Variants in ZNF839 observed in about 807,000 individuals in gnomAD.
ZNF839 encodes the protein renal carcinoma antigen NY-REN-50.
In ZNF839, 38 loss-of-function variants were observed where a neutral mutation model predicts 56.4. The ratio of observed to expected loss-of-function variants is 0.67; its 90% CI spans 0.52 to 0.88. The LOEUF (loss-of-function observed/expected upper bound fraction) is 0.88, where lower values mean the gene tolerates loss of function less well. ZNF839 is among the 40% of genes least tolerant of loss of function. The pLI, the probability that ZNF839 is intolerant of heterozygous loss-of-function variation, is 0.00. For missense variants in ZNF839, 1,091 were observed against 1,177.6 expected, an observed-to-expected ratio of 0.93 and a Z score of 1.08; for synonymous variants, 486 against 493.5, an observed-to-expected ratio of 0.98 and a Z score of 0.20.
chr14:102,328,676 C>CT (rs2073604200), intron 2 of ZNF839, among the ~76,000 whole-genome samples: 1 of 151,958 alleles, frequency 6.6e-6, no homozygotes, highest in East Asian at 1.9e-4. Flanking sequence ...CAACCTTCGA[C>CT]TTTCTGTCTT....
At chr14:102,320,235 C>G (rs1031968645) in intron 1 of ZNF839, among the ~76,000 whole-genome samples, 182 bp downstream of exon 1, 1 of 152,184 alleles carries the variant, frequency 6.6e-6, no homozygotes, top group Non-Finnish European at 1.5e-5. Context: ...CATTTTCACC[C>G]CAGGAGCCTC....
At position 102,319,909 on chromosome 14, in the gene ZNF839, G is replaced by A. The variant is rs1235193190; in HGVS notation, c.144G>A (p.Val48=). Residue 48 remains valine, a synonymous_variant, in exon 1 of 8, where the codon GTG becomes GTA. Coordinates refer to ENST00000442396, the MANE Select transcript of ZNF839 (RefSeq NM_018335.6). This position sits in a 1 kb window ranked among gnomAD's most constrained non-coding sequence, Gnocchi z 4.5. ...PEQLRQVLEQ[V]TKAQPPPPPP... ...AGCTGCGGCAGGTCCTGGAGCAGGT[G>A]ACGAAGGCGCAGCCGCCGCCGCCGC... 7 of 1,218,370 alleles carry A rather than the reference G, an allele frequency of 5.7e-6. No homozygotes were observed. Among genetic ancestry groups the A allele is most frequent in the Non-Finnish European group, 7.2e-6 (7 of 973,644 alleles). 75.5% of individuals were successfully genotyped at this position (1,218,370 alleles called of 1,614,324 possible).
At chr14:102,322,902 C>T (rs1025937729) in intron 1 of ZNF839, among the ~76,000 whole-genome samples, 4 of 152,222 alleles carry the variant, frequency 2.6e-5, no homozygotes, top group African/African-American at 4.8e-5. Context: ...CAGTCAATCT[C>T]GTTGTCATTT....
intron 5 of ZNF839, 116 bp from the exon 6 acceptor site, chr14:102,338,700 G>A: frequency 2.8e-6 from 4 of 1,434,064 alleles, no homozygotes; most frequent in Admixed American, 2.1e-5. Context: ...CTCACAGTAG[G>A]TGAGGAACTT....
chr14:102,331,080 C>T (rs769449977), intron 2 of ZNF839, among the ~76,000 whole-genome samples: 24 of 152,160 alleles, frequency 1.6e-4, no homozygotes, highest in African/African-American at 5.1e-4. Context: ...TACACAATTT[C>T]GCGAATATTT....
chr14:102,334,005 C>G (rs1160761468), intron 3 of ZNF839, among the ~76,000 whole-genome samples: 1 of 152,250 alleles, frequency 6.6e-6, no homozygotes, highest in African/African-American at 2.4e-5. Flanking sequence ...CCTCTCCTTA[C>G]CTGAGTCCTC....
chr14:102,323,997 T>A (rs2073271774), intron 1 of ZNF839, among the ~76,000 whole-genome samples: 1 of 152,200 alleles, frequency 6.6e-6, no homozygotes, highest in Non-Finnish European at 1.5e-5. Context: ...TTAAAAACAT[T>A]TCAGAACTGA....
In ZNF839 at chr14:102,339,149, A is replaced by G. The variant is rs1233235271; in HGVS notation, c.1853A>G (p.Asn618Ser). The G allele has an allele frequency of 1.9e-6, 3 of 1,613,414 alleles. No homozygotes were observed. Among genetic ancestry groups the G allele is most frequent in the South Asian group, 1.1e-5 (1 of 90,984 alleles). ...AGGCCCAGAAGAGAAGCCCTGTCCA[A>G]CGATACCACTGAATCTCTTGCTGCC... ...VKRPRREALS[N>S]DTTESLAANS... is the part of the protein sequence containing the mutation. The change falls in exon 7 of 8, where the codon AAC becomes AGC. Residue 618 changes from asparagine (N) to serine (S), a missense_variant. Transcript: ENST00000442396.
At position 102,323,016 on chromosome 14, in the gene ZNF839, A is replaced by G. The variant is rs922674256; in HGVS notation, c.288+2963A>G. Reference sequence around the variant, plus strand: ...GCTGACCTCTGCTATTTGTACTAGTATAACAGACAGACGAGAGACACACTC... The same window carrying G: ...GCTGACCTCTGCTATTTGTACTAGTGTAACAGACAGACGAGAGACACACTC... On this transcript the variant is annotated intron_variant, in intron 1 of 7. Coordinates refer to ENST00000442396, the MANE Select transcript of ZNF839 (RefSeq NM_018335.6). Among the ~76,000 whole-genome samples, 5 of 149,628 alleles carry G rather than the reference A, an allele frequency of 3.3e-5. No individual in the cohort carries two copies. The South Asian group carries it at 8.5e-4, about 25-fold the overall frequency.
chr14:102,341,633 C>T lies in ZNF839; in HGVS notation c.2238C>T (p.Phe746=). 3.1e-6 allele frequency: 5 copies of T among 1,614,018 alleles called. No homozygotes were observed. The highest frequency in any genetic ancestry group is 1.3e-5 in the African/African-American group (1 of 75,072). The change falls in exon 8 of 8, where the codon TTC becomes TTT. Residue 746 remains phenylalanine, a synonymous_variant. Transcript: ENST00000442396. ...DTWDSLRSPG[F]CSPLSSGGGA... ...GGGACAGCCTGAGGAGCCCGGGTTTCTGCAGCCCTTTGTCATCTGGTGGTG... is the reference window on the plus strand; with the variant it reads ...GGGACAGCCTGAGGAGCCCGGGTTTTTGCAGCCCTTTGTCATCTGGTGGTG...
chr14:102,324,559 G>A lies in ZNF839; in HGVS notation c.289-1426G>A, dbSNP rs148623628. On this transcript the variant is annotated intron_variant, in intron 1 of 7. Coordinates refer to ENST00000442396, the MANE Select transcript of ZNF839 (RefSeq NM_018335.6). The stretch of plus-strand genomic sequence containing the variant: ...CTTCATCTTAAAAAAAAATTAGCTG[G>A]TCATGGTGGCACACACCTGTGATCC... Among the ~76,000 whole-genome samples, 873 of 152,146 alleles carry A rather than the reference G, an allele frequency of 5.7e-3. 6 individuals carry two copies. Among genetic ancestry groups the A allele is most frequent in the Non-Finnish European group, 9.2e-3 (623 of 68,008 alleles).
chr14:102,337,168 T>C (rs1885846233), intron 5 of ZNF839: 1 of 152,132 alleles, frequency 6.6e-6, no homozygotes, highest in African/African-American at 2.4e-5. Context: ...CATTGGATTT[T>C]TTGGGGTGTT....
chr14:102,332,876 C>T lies in ZNF839; in HGVS notation c.1416+1030C>T, dbSNP rs1256174004. ...AGTGAGCCAAGATCGTGCCATTGCA[C>T]TCCAGCCTGGGGGACAAGAACGAGA... On this transcript the variant is annotated intron_variant, in intron 3 of 7. Coordinates refer to ENST00000442396, the MANE Select transcript of ZNF839 (RefSeq NM_018335.6). The surrounding 1 kb of genome is among the most constrained non-coding windows in gnomAD (Gnocchi z 4.9). Among the ~76,000 whole-genome samples, 2 of 152,204 alleles carry T rather than the reference C, an allele frequency of 1.3e-5. No individual in the cohort carries two copies. Among genetic ancestry groups the T allele is most frequent in the African/African-American group, 4.8e-5 (2 of 41,456 alleles).
chr14:102,331,464 G>A (rs554925029), intron 2 of ZNF839, 158 bp from the exon 3 acceptor site: 35 of 615,864 alleles, frequency 5.7e-5, no homozygotes, highest in East Asian at 4.5e-4. Flanking sequence ...TGGCCAGGTC[G>A]GTCTCAAACT....
At chr14:102,331,175 A>G (rs2073761874) in intron 2 of ZNF839, among the ~76,000 whole-genome samples, 1 of 152,280 alleles carries the variant, frequency 6.6e-6, no homozygotes, top group Non-Finnish European at 1.5e-5. Context: ...AAGTTTAAAA[A>G]GTCATGGATA....
rs202065904 is a variant in ZNF839, at chr14:102,334,559, C to T, written c.1422C>T (p.Leu474=). Residue 474 remains leucine, a synonymous_variant, in exon 4 of 8, where the codon CTC becomes CTT. Transcript: ENST00000442396. ...GAAATGCTTTCCCTTGGTAGTTCCT[C>T]CAGCAGTGTGACCGGGAGGATCTGG... ...SPSKARLKEF[L]QQCDREDLVE... The T allele has an allele frequency of 1.2e-6, 2 of 1,609,642 alleles. No homozygotes were observed. Among genetic ancestry groups the T allele is most frequent in the Non-Finnish European group, 1.7e-6 (2 of 1,177,944 alleles).
Position 102,326,432 on chromosome 14 carries a change from G to A in ZNF839, c.736G>A (p.Val246Ile). 1 of 1,613,856 alleles carries A rather than the reference G, an allele frequency of 6.2e-7. No individual in the cohort carries two copies. Among genetic ancestry groups the A allele is most frequent in the Non-Finnish European group, 8.5e-7 (1 of 1,179,848 alleles). The part of the protein sequence containing the change: ...HTEKLKKSLK[V>I]KTRSGRVSRP... The stretch of plus-strand genomic sequence containing the variant: ...TGAGAAACTAAAAAAATCGTTAAAA[G>A]TAAAGACACGTTCTGGACGGGTATC... The change falls in exon 2 of 8, where the codon GTA (valine) becomes ATA (isoleucine). Residue 246 changes from valine (V) to isoleucine (I), a missense_variant. Physicochemically the swap from Val to Ile is conservative, Grantham distance 29. Around this residue, in one of 3 missense-constraint regions of ZNF839, gnomAD observed 614 missense variants for 629.2 expected, o/e 0.98. Transcript: ENST00000442396. The surrounding 1 kb of genome is among the most constrained non-coding windows in gnomAD (Gnocchi z 4.3).
In ZNF839 at chr14:102,332,717, C is replaced by A. The variant is rs899320992; in HGVS notation, c.1416+871C>A. Among the ~76,000 whole-genome samples, 1 of 151,942 alleles carries A rather than the reference C, an allele frequency of 6.6e-6. No homozygotes were observed. The highest frequency in any genetic ancestry group is 2.4e-5 in the African/African-American group (1 of 41,396). ...CTGAAGTCAGGAGTTCGAGACCAGC[C>A]TGACCAACATAGTGAAACCCTGTCT... is the stretch of plus-strand genomic sequence containing the variant. On this transcript the variant is annotated intron_variant, in intron 3 of 7. Coordinates refer to ENST00000442396, the MANE Select transcript of ZNF839 (RefSeq NM_018335.6). The surrounding 1 kb of genome is among the most constrained non-coding windows in gnomAD (Gnocchi z 4.9).
intron 1 of ZNF839, among the ~76,000 whole-genome samples, chr14:102,320,801 G>T (rs967416653): frequency 6.6e-6 from 1 of 152,160 alleles, no homozygotes; most frequent in Non-Finnish European, 1.5e-5. Context: ...TGCTAGGGGG[G>T]TGATAACTAG....
Sources: allele counts gnomAD v4.1 joint callset (sites outside exome capture counted in the v4.1 genomes callset), GRCh38; gene constraint gnomAD v4.1.1; regional missense constraint gnomAD v4.1.1; non-coding constraint Gnocchi (gnomAD v3.1); transcripts MANE v1.5; gene names NCBI Gene and HGNC (gene_info 2026-07-23, HGNC 2026-07-21).